Variants in PFKP observed in about 807,000 individuals in gnomAD.
The protein encoded by PFKP is phosphofructokinase, platelet.
A neutral mutation model predicts 94.3 loss-of-function variants in PFKP; 101 were observed. The ratio of observed to expected loss-of-function variants is 1.07; its 90% CI spans 0.91 to 1.26. PFKP has a LOEUF of 1.26. Among genes scored for constraint, PFKP ranks in the 50% most tolerant of loss-of-function variants. The pLI, the probability that PFKP is intolerant of heterozygous loss-of-function variation, is 0.00. For missense variants in PFKP, 1,145 were observed against 1,103.3 expected (o/e 1.04, Z -0.53); for synonymous variants, 573 against 432.6 (o/e 1.32, Z -4.03).
At chr10:3,080,021 G>A (rs893461760) in intron 1 of PFKP, among the ~76,000 whole-genome samples, 2 of 152,124 alleles carry the variant, frequency 1.3e-5, no homozygotes, top group Non-Finnish European at 2.9e-5. Flanking sequence ...CCTGGGAGGT[G>A]CCAGAGCCGA....
At chr10:3,126,450 G>A (rs538410373) in intron 16 of PFKP, among the ~76,000 whole-genome samples, 1 of 152,334 alleles carries the variant, frequency 6.6e-6, no homozygotes, top group African/African-American at 2.4e-5. Flanking sequence ...TTAGCACCTT[G>A]TAGATGTCCA....
intron 2 of PFKP, among the ~76,000 whole-genome samples, chr10:3,095,028 G>C (rs1333473778): frequency 2.0e-5 from 3 of 152,160 alleles, no homozygotes; most frequent in Non-Finnish European, 2.9e-5. Context: ...TATTCTGGTA[G>C]TTGGAATGTT....
chr10:3,093,845 G>A (rs184803823), intron 2 of PFKP, among the ~76,000 whole-genome samples: 6,824 of 152,032 alleles, frequency 0.045, 221 homozygotes, highest in Non-Finnish European at 0.059. Context: ...GGGTTTCACC[G>A]TGTTAGCCAG....
chr10:3,132,588 T>TG, intron 18 of PFKP, 147 bp downstream of exon 18: 1 of 624,076 alleles, frequency 1.6e-6, no homozygotes, highest in South Asian at 2.0e-5. Context: ...AAGACAGCTG[T>TG]GGTGCATTGC....
intron 16 of PFKP, chr10:3,129,072 CG>C (rs1345045229): frequency 6.6e-6 from 1 of 152,154 alleles, no homozygotes; most frequent in Non-Finnish European, 1.5e-5. Flanking sequence ...TGGAGGGTCC[CG>C]GGGTGGGAGC....
intron 1 of PFKP, among the ~76,000 whole-genome samples, chr10:3,081,081 C>T (rs1475605445): frequency 6.6e-6 from 1 of 152,146 alleles, no homozygotes; most frequent in East Asian, 1.9e-4. Flanking sequence ...GTAAATAAGA[C>T]TATGTAATAT....
At chr10:3,068,390 G>A (rs993610847) in intron 1 of PFKP, among the ~76,000 whole-genome samples, 18 of 152,186 alleles carry the variant, frequency 1.2e-4, no homozygotes, top group African/African-American at 4.3e-4. Context: ...TTTTTAAAAA[G>A]GGTTTCCTGC....
In PFKP at chr10:3,118,812, C is replaced by T. The variant is rs114799123; in HGVS notation, c.1473C>T (p.Ile491=). The T allele has an allele frequency of 2.4e-4, 390 of 1,613,662 alleles. No individual in the cohort carries two copies. The African/African-American group carries it at 4.5e-3, about 19-fold the overall frequency. The change falls in exon 15 of 22, where the codon ATC becomes ATT. Residue 491 remains isoleucine (I), a synonymous_variant. Transcript: ENST00000381125. ...RVLPGKYLEE[I]ATQMRTHSIN... ...TCCCGGGGAAGTACTTGGAAGAGAT[C>T]GCCACACAGATGCGCACGCACAGCA...
chr10:3,094,000 A>C (rs1834285990), intron 2 of PFKP, among the ~76,000 whole-genome samples: 1 of 152,194 alleles, frequency 6.6e-6, no homozygotes, highest in African/African-American at 2.4e-5. Flanking sequence ...TGAATTCTTC[A>C]TGTATGATCT....
At position 3,105,341 on chromosome 10, in the gene PFKP, C is replaced by G. The variant is rs1835430171; in HGVS notation, c.666-52C>G. 27 of 1,503,228 alleles carry G rather than the reference C, an allele frequency of 1.8e-5. No individual in the cohort carries two copies. The Admixed American group carries it at 3.0e-4, about 17-fold the overall frequency. 93.1% of individuals were successfully genotyped at this position (1,503,228 alleles called of 1,614,324 possible). ...CGCTGAGCGGGGTGCCTGGGCTGCC[C>G]TCGTGGGAAGGATCCTTCTGGGGTG... On this transcript the variant is annotated intron_variant, in intron 6 of 21. Coordinates refer to ENST00000381125, the MANE Select transcript of PFKP (RefSeq NM_002627.5).
intron 13 of PFKP, among the ~76,000 whole-genome samples, chr10:3,114,272 C>T (rs926545570): frequency 5.3e-5 from 8 of 152,072 alleles, no homozygotes; most frequent in Admixed American, 5.2e-4. Context: ...GCCTCAGCCT[C>T]CTGAGTAGCT....
chr10:3,075,887 A>G (rs1832535867), intron 1 of PFKP, among the ~76,000 whole-genome samples: 1 of 145,344 alleles, frequency 6.9e-6, no homozygotes, highest in South Asian at 2.2e-4. Context: ...CCTGGGCAAC[A>G]GAGTGAGACC....
chr10:3,087,859 C>G (rs568622796), intron 2 of PFKP, among the ~76,000 whole-genome samples: 1 of 152,076 alleles, frequency 6.6e-6, no homozygotes, highest in African/African-American at 2.4e-5. Flanking sequence ...TTCTCATGGA[C>G]CCTCAGACCG....
intron 2 of PFKP, among the ~76,000 whole-genome samples, chr10:3,092,796 G>A (rs1190172919): frequency 2.0e-5 from 3 of 152,120 alleles, no homozygotes; most frequent in Admixed American, 6.5e-5. Context: ...AATTTTTAAA[G>A]TGAGAAATCT....
rs770463858 is a variant in PFKP, at chr10:3,101,472, G to A, written c.372G>A (p.Val124=). ...LLQRGITNLC[V]IGGDGSLTGA... ...AGCGCGGCATCACCAACCTGTGTGT[G>A]ATCGGCGGGGACGGGAGCCTCACCG... Residue 124 remains valine (V), a synonymous_variant, in exon 4 of 22, where the codon GTG becomes GTA. Transcript: ENST00000381125. The A allele has an allele frequency of 3.7e-6, 6 of 1,605,822 alleles. No individual in the cohort carries two copies. In the African/African-American group the frequency reaches 5.4e-5, roughly 14 times the overall value.
At chr10:3,107,104 C>T in intron 7 of PFKP, 110 bp from the exon 8 acceptor site, 1 of 683,854 alleles carries the variant, frequency 1.5e-6, no homozygotes, top group Non-Finnish European at 2.6e-6. Flanking sequence ...GCAAAGATTC[C>T]TGCCCAGAAA....
intron 7 of PFKP, 30 bp downstream of exon 7, chr10:3,105,531 G>T (rs371423615): frequency 2.1e-6 from 3 of 1,442,016 alleles, no homozygotes; most frequent in Non-Finnish European, 2.0e-6. Context: ...CGTTGATAGC[G>T]GGCGATGCTG....
chr10:3,103,870 C>A lies in PFKP; in HGVS notation c.546C>A (p.Asp182Glu), dbSNP rs1420562907. ...GSIDNDFCGT[D>E]MTIGTDSALH... is the part of the protein sequence containing the mutation. ...TCGACAATGATTTCTGCGGCACCGA[C>A]ATGACCATCGGCACGGACTCCGCCC... The change falls in exon 5 of 22, where the codon GAC (aspartate) becomes GAA (glutamate). Residue 182 changes from aspartate to glutamate, a missense_variant. Around this residue, in one of 3 missense-constraint regions of PFKP, gnomAD observed 1,119 missense variants for 1,062.8 expected, o/e 1.05. Coordinates refer to ENST00000381125, the MANE Select transcript of PFKP (RefSeq NM_002627.5). 12 of 1,613,936 alleles carry A rather than the reference C, an allele frequency of 7.4e-6. No homozygotes were observed. Among genetic ancestry groups the A allele is most frequent in the Non-Finnish European group, 9.3e-6 (11 of 1,180,042 alleles).
intron 9 of PFKP, 69 bp downstream of exon 9, chr10:3,108,862 A>C (rs1588489975): frequency 6.1e-6 from 7 of 1,138,630 alleles, no homozygotes; most frequent in East Asian, 2.4e-5. Flanking sequence ...AGGCACAGGC[A>C]CCAGCCGGCC....
Sources: gnomAD v4.1 joint callset for allele counts (sites outside exome capture counted in the v4.1 genomes callset) on GRCh38, gnomAD v4.1.1 for gene constraint, gnomAD v4.1.1 regional missense constraint, MANE v1.5 for transcripts, NCBI Gene and HGNC (gene_info 2026-07-23, HGNC 2026-07-21) for gene names.